MUC4: variants seen among roughly 807,000 people sequenced by gnomAD.
MUC4 encodes the protein mucin 4, cell surface associated, also known as mucin-4.
In MUC4, 202 loss-of-function variants were observed where a neutral mutation model predicts 257.9. The ratio of observed to expected loss-of-function variants is 0.78; its 90% CI spans 0.70 to 0.88. MUC4 has a LOEUF of 0.88. Among genes scored for constraint, MUC4 ranks in the 40% least tolerant of loss-of-function variants. MUC4 has a pLI of 0.00. For missense variants in MUC4, 5,976 were observed against 6,513.7 expected (o/e 0.92, Z 2.84); for synonymous variants, 2,351 against 2,757.1 (o/e 0.85, Z 4.62).
intron 24 of MUC4, 81 bp downstream of exon 24, chr3:195,748,821 A>C (rs1304479231): frequency 6.9e-7 from 1 of 1,448,340 alleles, no homozygotes; most frequent in African/African-American, 1.4e-5. Flanking sequence ...AGCCATCCTA[A>C]TTCCTGGACC....
chr3:195,796,915 C>G lies in MUC4; in HGVS notation c.83-5418G>C, dbSNP rs188263388. Among the ~76,000 whole-genome samples, 328 of 152,124 alleles carry G rather than the reference C, an allele frequency of 2.2e-3. 7 individuals carry two copies. Among genetic ancestry groups the G allele is most frequent in the African/African-American group, 7.7e-3 (318 of 41,494 alleles). On this transcript the variant is annotated intron_variant, in intron 1 of 24. Coordinates refer to ENST00000463781, the MANE Select transcript of MUC4 (RefSeq NM_018406.7). ...AGATTAATAAGTCCCAGTAATAATA[C>G]ATGGAAGCATCGTAAATAAAATATT...
In MUC4 at chr3:195,783,487, G is replaced by A. The variant is rs879454727; in HGVS notation, c.8093C>T (p.Ser2698Phe). 1 of 967,660 alleles carries A rather than the reference G, an allele frequency of 1.0e-6. No homozygotes were observed. The highest frequency in any genetic ancestry group is 1.4e-6 in the Non-Finnish European group (1 of 739,760). 59.9% of individuals were successfully genotyped at this position (967,660 alleles called of 1,614,324 possible). ...AGGAAGAGAGGTGGTGTCACCTGTG[G>A]ATGCTGAGGAAGTGTCGGTGACAGG... ...SLPVTDTSSA[S>F]TGDTTSLPVT... The change falls in exon 2 of 25, where the codon TCC becomes TTC. Residue 2698 changes from serine (S) to phenylalanine (F), a missense_variant. Ser to Phe is a radical substitution (Grantham distance 155). Around this residue, in one of 44 missense-constraint regions of MUC4, gnomAD observed 75 missense variants for 58.7 expected, o/e 1.28. Coordinates refer to ENST00000463781, the MANE Select transcript of MUC4 (RefSeq NM_018406.7).
intron 1 of MUC4, among the ~76,000 whole-genome samples, chr3:195,803,087 C>A (rs1043480360): frequency 6.6e-6 from 1 of 152,130 alleles, no homozygotes; most frequent in Non-Finnish European, 1.5e-5. Context: ...GTGCGAGGAT[C>A]GAATTATATG....
chr3:195,752,506 A>T (rs1385772127), intron 20 of MUC4, 60 bp from the exon 21 acceptor site: 1 of 1,497,004 alleles, frequency 6.7e-7, no homozygotes, highest in Non-Finnish European at 9.3e-7. Flanking sequence ...TTACCCAAAA[A>T]GTCTGTCGGG....
chr3:195,759,062 T>C lies in MUC4; in HGVS notation c.14986+62A>G, dbSNP rs140872869. Reference sequence around the variant, plus strand: ...TGTAGCAATGCAGAATTTCCCAAATTTGACTCTGACCTCATCCCCTACCCA... The same window carrying C: ...TGTAGCAATGCAGAATTTCCCAAATCTGACTCTGACCTCATCCCCTACCCA... On this transcript the variant is annotated intron_variant, in intron 17 of 24. Coordinates refer to ENST00000463781, the MANE Select transcript of MUC4 (RefSeq NM_018406.7). The C allele has an allele frequency of 6.3e-6, 10 of 1,584,286 alleles. No homozygotes were observed. In the African/African-American group the frequency reaches 1.2e-4, roughly 19 times the overall value.
At chr3:195,767,642 TCGC>T (rs1721314061) in intron 7 of MUC4, among the ~76,000 whole-genome samples, 10 of 31,412 alleles carry the variant, frequency 3.2e-4, no homozygotes, top group South Asian at 1.2e-3. Flanking sequence ...ACCACCACCA[TCGC>T]CACCACCACC....
intron 1 of MUC4, among the ~76,000 whole-genome samples, chr3:195,794,968 C>T (rs1025262242): frequency 2.0e-5 from 3 of 152,198 alleles, no homozygotes; most frequent in Non-Finnish European, 4.4e-5. Context: ...TGGGAGGTCC[C>T]TGGGCCCCTG....
chr3:195,778,394 G>A lies in MUC4; in HGVS notation c.12852C>T (p.Pro4284=), dbSNP rs772205924. Residue 4284 remains proline (P), a synonymous_variant, in exon 3 of 25, where the codon CCC becomes CCT. Transcript: ENST00000463781. ...TGGAAATGATGGTCTGGGAGGTTGT[G>A]GGGGGTGGTGATGTGGCTGTGCGTC... is the stretch of plus-strand genomic sequence containing the variant. The part of the protein sequence containing the change: ...GGRRTATSPP[P]TTSQTIISTI... 1.9e-6 allele frequency: 3 copies of A among 1,613,000 alleles called. No individual in the cohort carries two copies. Among genetic ancestry groups the A allele is most frequent in the Non-Finnish European group, 2.5e-6 (3 of 1,179,762 alleles).
Position 195,790,113 on chromosome 3 carries a change from A to C in MUC4, c.1467T>G (p.Pro489=). ...TGTGGCCTTTGCTGGAGAATGAGGA[A>C]GGCCATGTTGTTGTTTCATGTAGAG... ...IFTLHETTTW[P]SSFSSKGHTT... is the part of the protein sequence containing the mutation. Residue 489 remains proline (P), a synonymous_variant, in exon 2 of 25, where the codon CCT becomes CCG. Transcript: ENST00000463781. The C allele has an allele frequency of 1.9e-6, 3 of 1,613,954 alleles. No homozygotes were observed. The highest frequency in any genetic ancestry group is 2.5e-6 in the Non-Finnish European group (3 of 1,179,890).
rs200683272 is a variant in MUC4 at position 195,781,582 on chromosome 3, C to T, written c.9998G>A (p.Ser3333Asn). The T allele has an allele frequency of 7.7e-4, 409 of 533,160 alleles. 11 individuals carry two copies. Among genetic ancestry groups the T allele is most frequent in the South Asian group, 5.3e-3 (152 of 28,540 alleles). 33.0% of individuals were successfully genotyped at this position (533,160 alleles called of 1,614,324 possible). ...GTCACCTGTGGATGCTGAGGAAGGG[C>T]TGGTGACATGAAGAGGGGTGGCGTG... is the stretch of plus-strand genomic sequence containing the variant. ...TGHATPLHVT[S>N]PSSASTGDTT... The change falls in exon 2 of 25, where the codon AGC becomes AAC. Residue 3333 changes from serine (S) to asparagine (N), a missense_variant. Ser to Asn is a conservative substitution (Grantham distance 46, BLOSUM62 1). This residue lies in a region of MUC4 where 72 missense variants were observed against 33.5 expected (regional missense o/e 2.15). Transcript: ENST00000463781.
intron 4 of MUC4, among the ~76,000 whole-genome samples, chr3:195,772,948 A>ACACCCCC: frequency 8.2e-6 from 1 of 121,980 alleles, no homozygotes; most frequent in Admixed American, 7.9e-5. Flanking sequence ...AGGGGTGTAG[A>ACACCCCC]TACCCTCTCT....
chr3:195,756,133 C>T (rs1282016265), intron 18 of MUC4, among the ~76,000 whole-genome samples: 1 of 152,102 alleles, frequency 6.6e-6, no homozygotes, highest in African/African-American at 2.4e-5. Flanking sequence ...TAGAGGGACC[C>T]GCAGCTCTCT....
chr3:195,792,348 G>A (rs1367279624), intron 1 of MUC4, among the ~76,000 whole-genome samples: 2 of 152,142 alleles, frequency 1.3e-5, no homozygotes, highest in Non-Finnish European at 2.9e-5. Context: ...ATCAAAAGAA[G>A]ACATTTATGC....
rs777296098 is a variant in MUC4 at position 195,788,555 on chromosome 3, G to C, written c.3025C>G (p.Leu1009Val). The C allele has an allele frequency of 6.5e-7, 1 of 1,528,480 alleles. No individual in the cohort carries two copies. Among genetic ancestry groups the C allele is most frequent in the Non-Finnish European group, 8.9e-7 (1 of 1,125,606 alleles). The allele number at this position is 1,528,480 out of a possible 1,614,324, so 94.7% of individuals were successfully genotyped here. ...ACTGAGGAAGGGCTGGTGACAGGAA[G>C]AGGGGTGGCGTGACCTGTGGATACT... ...SSVSTGHATP[L>V]PVTSPSSVST... The change falls in exon 2 of 25, where the codon CTT becomes GTT. Residue 1009 changes from leucine (L) to valine (V), a missense_variant. Physicochemically the swap from Leu to Val is conservative, Grantham distance 32. Around this residue, in one of 44 missense-constraint regions of MUC4, gnomAD observed 1,583 missense variants for 1,257.4 expected, o/e 1.26. Coordinates refer to ENST00000463781, the MANE Select transcript of MUC4 (RefSeq NM_018406.7).
chr3:195,768,981 C>T, intron 7 of MUC4, 41 bp downstream of exon 7: 1 of 1,591,692 alleles, frequency 6.3e-7, no homozygotes, highest in Non-Finnish European at 8.6e-7. Flanking sequence ...CTACACCCCT[C>T]CCTGCCAACT....
At chr3:195,778,217 A>C in intron 3 of MUC4, 86 bp downstream of exon 3, 1 of 1,461,854 alleles carries the variant, frequency 6.8e-7, no homozygotes, top group Non-Finnish European at 9.2e-7. Context: ...CACCCGAGAG[A>C]GCGGAGACTG....
chr3:195,792,538 G>C (rs961777400), intron 1 of MUC4, among the ~76,000 whole-genome samples: 1 of 152,232 alleles, frequency 6.6e-6, no homozygotes, highest in Non-Finnish European at 1.5e-5. Flanking sequence ...TGGTGGGAGT[G>C]TAAATCAGTT....
chr3:195,790,926 G>C lies in MUC4; in HGVS notation c.654C>G (p.Thr218=). The change falls in exon 2 of 25, where the codon ACC becomes ACG. Residue 218 remains threonine, a synonymous_variant. Transcript: ENST00000463781. Reference sequence around the variant, plus strand: ...TTGGAGAGAAAGAAGGAGTTGAAGTGGTTCTGTGTGTTAGGGTGCTGGTTT... The same window carrying C: ...TTGGAGAGAAAGAAGGAGTTGAAGTCGTTCTGTGTGTTAGGGTGCTGGTTT... The part of the protein sequence containing the change: ...ESQTSTLTHR[T]TSTPSFSPSV... The C allele has an allele frequency of 6.2e-7, 1 of 1,613,854 alleles. No individual in the cohort carries two copies. The highest frequency in any genetic ancestry group is 8.5e-7 in the Non-Finnish European group (1 of 1,179,858).
At position 195,755,637 on chromosome 3, in the gene MUC4, C is replaced by T. The variant is rs1312773663; in HGVS notation, c.15169-1265G>A. On this transcript the variant is annotated intron_variant, in intron 18 of 24. Coordinates refer to ENST00000463781, the MANE Select transcript of MUC4 (RefSeq NM_018406.7). This position sits in a 1 kb window ranked among gnomAD's most constrained non-coding sequence, Gnocchi z 5.0. ...CTCCCTGCGCTCCCCTTTCTAACTC[C>T]CTTACTGAAGCGACTCGGGGAATCT... Among the ~76,000 whole-genome samples the T allele has an allele frequency of 6.6e-6, 1 of 152,140 alleles. No individual in the cohort carries two copies. The highest frequency in any genetic ancestry group is 1.9e-4 in the East Asian group (1 of 5,198).
Sources: allele counts gnomAD v4.1 joint callset (sites outside exome capture counted in the v4.1 genomes callset), GRCh38; gene constraint gnomAD v4.1.1; regional missense constraint gnomAD v4.1.1; non-coding constraint Gnocchi (gnomAD v3.1); transcripts MANE v1.5; gene names NCBI Gene and HGNC (gene_info 2026-07-23, HGNC 2026-07-21).